Variants in HECTD4 observed in about 807,000 individuals in gnomAD.
HECTD4 encodes probable E3 ubiquitin-protein ligase HECTD4.
In HECTD4, 114 loss-of-function variants were observed where a neutral mutation model predicts 471.5. The ratio of observed to expected loss-of-function variants is 0.24; its 90% CI spans 0.21 to 0.28. The LOEUF (loss-of-function observed/expected upper bound fraction) is 0.28. HECTD4 is among the 10% of genes least tolerant of loss of function. The pLI is 1.00. For synonymous variants in HECTD4, 2,012 were observed against 2,256.0 expected, an observed-to-expected ratio of 0.89 and a Z score of 3.07; for missense variants, 3,866 against 5,651.5, an observed-to-expected ratio of 0.68 and a Z score of 10.13.
At chr12:112,317,765 G>A (rs1351456507) in intron 2 of HECTD4, among the ~76,000 whole-genome samples, 9 of 152,092 alleles carry the variant, frequency 5.9e-5, no homozygotes, top group African/African-American at 1.9e-4. Context: ...GATTGCTTCA[G>A]CTCAGGAGTT....
At position 112,316,799 on chromosome 12, in the gene HECTD4, A is replaced by C. The variant is rs535673156; in HGVS notation, c.696-2253T>G. Among the ~76,000 whole-genome samples, 8 of 152,218 alleles carry C rather than the reference A, an allele frequency of 5.3e-5. No individual in the cohort carries two copies. In the East Asian group the frequency reaches 1.5e-3, roughly 29 times the overall value. On this transcript the variant is annotated intron_variant, in intron 2 of 75. Coordinates refer to ENST00000682272, the MANE Select transcript of HECTD4 (RefSeq NM_001388303.1). The stretch of plus-strand genomic sequence containing the variant: ...GTAAGATGATCTAACACTGAAAAGC[A>C]CATGACTTCTGAAGTCCAGAACATG...
intron 1 of HECTD4, among the ~76,000 whole-genome samples, chr12:112,355,265 G>A (rs113431482): frequency 7.0e-6 from 1 of 143,582 alleles, no homozygotes; most frequent in East Asian, 2.1e-4. Context: ...GTGAGCCACC[G>A]CGCCGGGCGC....
Position 112,195,062 on chromosome 12 carries a change from G to A in HECTD4, c.8572C>T (p.Leu2858=). ...DNTNLQIHRE[L]LRCEAALARL... is the part of the protein sequence containing the mutation. ...GCCAGCGCAGCCTCGCAGCGCAGCAGCTCCCTGCAAGGGAAAAGGTGGGTG... is the reference window on the plus strand; with the variant it reads ...GCCAGCGCAGCCTCGCAGCGCAGCAACTCCCTGCAAGGGAAAAGGTGGGTG... Residue 2858 remains leucine (L), a synonymous_variant, in exon 56 of 76, where the codon CTG becomes TTG. Coordinates refer to ENST00000682272, the MANE Select transcript of HECTD4 (RefSeq NM_001388303.1). The A allele has an allele frequency of 6.3e-7, 1 of 1,595,022 alleles. No homozygotes were observed. Among genetic ancestry groups the A allele is most frequent in the South Asian group, 1.1e-5 (1 of 87,976 alleles).
At chr12:112,298,173 A>G (rs1386511541) in intron 7 of HECTD4, among the ~76,000 whole-genome samples, 1 of 152,168 alleles carries the variant, frequency 6.6e-6, no homozygotes, top group Admixed American at 6.5e-5. Context: ...TATAATAGGG[A>G]GCCAAAAAAA....
chr12:112,375,343 C>A (rs2036756992), intron 1 of HECTD4, among the ~76,000 whole-genome samples: 1 of 152,206 alleles, frequency 6.6e-6, no homozygotes, highest in Admixed American at 6.5e-5. Flanking sequence ...ACAAATAAAG[C>A]TGACTTGAAC....
chr12:112,326,497 A>G (rs2035748651), intron 1 of HECTD4, among the ~76,000 whole-genome samples: 1 of 151,938 alleles, frequency 6.6e-6, no homozygotes, highest in Admixed American at 6.6e-5. Context: ...TGTCTCAAAA[A>G]CAAAAACAAA....
chr12:112,296,475 T>A (rs1195502002), intron 7 of HECTD4, among the ~76,000 whole-genome samples: 1 of 149,588 alleles, frequency 6.7e-6, no homozygotes, highest in African/African-American at 2.5e-5. Context: ...GCAGAGGATG[T>A]AGGCACACAA....
intron 3 of HECTD4, among the ~76,000 whole-genome samples, chr12:112,314,185 C>T (rs565162960): frequency 8.5e-5 from 13 of 152,120 alleles, no homozygotes; most frequent in South Asian, 8.3e-4. Flanking sequence ...ACCACAGGCA[C>T]GCACCACCAC....
intron 16 of HECTD4, 79 bp downstream of exon 16, chr12:112,265,096 C>T: frequency 7.5e-7 from 1 of 1,334,902 alleles, no homozygotes; most frequent in Admixed American, 2.1e-5. Context: ...TGTATGTATA[C>T]ACACACCTGT....
intron 7 of HECTD4, among the ~76,000 whole-genome samples, chr12:112,305,265 C>T (rs572580122): frequency 2.4e-4 from 36 of 152,230 alleles, no homozygotes; most frequent in African/African-American, 8.4e-4. Context: ...CTGTGCAAGA[C>T]GGTGTGGATC....
At chr12:112,291,449 T>G (rs753024150) in intron 7 of HECTD4, among the ~76,000 whole-genome samples, 1 of 152,134 alleles carries the variant, frequency 6.6e-6, no homozygotes, top group Non-Finnish European at 1.5e-5. Flanking sequence ...AAAATACTTT[T>G]TACAGGCCAG....
In HECTD4 at chr12:112,162,889, C is replaced by T. The variant is rs1250454229; in HGVS notation, c.13120+153G>A. 3 of 641,964 alleles carry T rather than the reference C, an allele frequency of 4.7e-6. No individual in the cohort carries two copies. Among genetic ancestry groups the T allele is most frequent in the Non-Finnish European group, 8.1e-6 (3 of 368,116 alleles). The allele number at this position is 641,964 out of a possible 1,614,324, so 39.8% of individuals were successfully genotyped here. A position where few individuals can be genotyped will look rare whatever the true frequency, so the allele number is the denominator to read the frequency against. ...TAACAGCAGGCCTGTATGGCTGGTT[C>T]CTGCCGGGCCCTAATCCTCAATGAT... On this transcript the variant is annotated intron_variant, in intron 75 of 75. Transcript: ENST00000682272. The surrounding 1 kb of genome is among the most constrained non-coding windows in gnomAD (Gnocchi z 5.2).
chr12:112,333,362 G>A (rs959101762), intron 1 of HECTD4, among the ~76,000 whole-genome samples: 3 of 152,288 alleles, frequency 2.0e-5, no homozygotes. Flanking sequence ...GGTGCCACTT[G>A]TTATTATGTA....
At chr12:112,164,364 G>A in intron 72 of HECTD4, 89 bp from the exon 73 acceptor site, 1 of 1,396,102 alleles carries the variant, frequency 7.2e-7, no homozygotes. Flanking sequence ...CCCAAGCGCA[G>A]CTGGTGGGGT....
chr12:112,217,184 A>G lies in HECTD4; in HGVS notation c.7086T>C (p.Ile2362=). Residue 2362 remains isoleucine, a synonymous_variant, in exon 46 of 76, where the codon ATT becomes ATC. Coordinates refer to ENST00000682272, the MANE Select transcript of HECTD4 (RefSeq NM_001388303.1). ...LQADRRQPKE[I]TWSPSRVFPP... ...GAAACACTCGCGAGGGGCTCCAAGT[A>G]ATCTCTTTGGGCTGCATCAGGGAGA... 1 of 1,518,644 alleles carries G rather than the reference A, an allele frequency of 6.6e-7. No homozygotes were observed. Among genetic ancestry groups the G allele is most frequent in the South Asian group, 1.3e-5 (1 of 74,290 alleles). 94.1% of individuals were successfully genotyped at this position (1,518,644 alleles called of 1,614,324 possible).
chr12:112,270,547 G>T, intron 11 of HECTD4, 88 bp from the exon 12 acceptor site: 1 of 1,052,158 alleles, frequency 9.5e-7, no homozygotes, highest in Non-Finnish European at 1.4e-6. Context: ...AAAGGTGTGT[G>T]CGCACTAGAA....
chr12:112,335,829 AAAAT>A (rs1349114706), intron 1 of HECTD4, among the ~76,000 whole-genome samples: 1 of 152,186 alleles, frequency 6.6e-6, no homozygotes, highest in Non-Finnish European at 1.5e-5. Flanking sequence ...ATAAAAAATA[AAAAT>A]AAATAAATAA....
chr12:112,178,666 C>G (rs947481825), intron 64 of HECTD4, among the ~76,000 whole-genome samples: 2 of 152,198 alleles, frequency 1.3e-5, no homozygotes, highest in Non-Finnish European at 2.9e-5. Flanking sequence ...CCCATCTCTA[C>G]AGAAAATTTT....
rs530583769 is a variant in HECTD4, at chr12:112,219,495, G to A, written c.6971-6C>T. ...CACAACTGCAAGTCGCTCTCCTGTA[G>A]AGGGCACATGTTGAATCTGTGAAAA... On this transcript the variant is annotated splice_polypyrimidine_tract_variant and splice_region_variant and intron_variant, in intron 44 of 75. Coordinates refer to ENST00000682272, the MANE Select transcript of HECTD4 (RefSeq NM_001388303.1). 4.9e-5 allele frequency: 79 copies of A among 1,605,994 alleles called. No homozygotes were observed. The East Asian group carries it at 9.8e-4, about 20-fold the overall frequency.
Sources: gnomAD v4.1 joint callset for allele counts (sites outside exome capture counted in the v4.1 genomes callset) on GRCh38, gnomAD v4.1.1 for gene constraint, Gnocchi (gnomAD v3.1) non-coding constraint, MANE v1.5 for transcripts, NCBI Gene and HGNC (gene_info 2026-07-23, HGNC 2026-07-21) for gene names.